Variants in RASAL2 observed in about 807,000 individuals in gnomAD.
The protein encoded by RASAL2 is RAS protein activator like 2.
Under a neutral mutation model 128.9 loss-of-function variants are expected in RASAL2, and 58 were observed. That is an observed-to-expected ratio of 0.45 (90% CI 0.36 to 0.56). The LOEUF (loss-of-function observed/expected upper bound fraction) is 0.56. Ranked by LOEUF, RASAL2 falls within the 20% of genes least tolerant of loss-of-function variation. The pLI, the probability that RASAL2 is intolerant of heterozygous loss-of-function variation, is 0.00. For missense variants in RASAL2, 1,360 were observed against 1,601.6 expected, an observed-to-expected ratio of 0.85 and a Z score of 2.57; for synonymous variants, 561 against 580.8, an observed-to-expected ratio of 0.97 and a Z score of 0.49.
intron 3 of RASAL2, among the ~76,000 whole-genome samples, chr1:178,324,831 A>G (rs1668959654): frequency 6.6e-6 from 1 of 152,088 alleles, no homozygotes; most frequent in South Asian, 2.1e-4. Flanking sequence ...GATTGGTGGA[A>G]AATCTAGTTT....
At chr1:178,224,762 CATAAA>C (rs1663732087) in intron 1 of RASAL2, among the ~76,000 whole-genome samples, 1 of 152,100 alleles carries the variant, frequency 6.6e-6, no homozygotes, top group African/African-American at 2.4e-5. Flanking sequence ...AAAGTTGTGT[CATAAA>C]ATAGGAAGTG....
chr1:178,222,067 C>T (rs1248052673), intron 1 of RASAL2, among the ~76,000 whole-genome samples: 1 of 152,068 alleles, frequency 6.6e-6, no homozygotes, highest in Non-Finnish European at 1.5e-5. Context: ...GTGATTCCAG[C>T]TTTTGATTTG....
chr1:178,154,751 CA>C (rs879559036), intron 1 of RASAL2, among the ~76,000 whole-genome samples: 3 of 152,230 alleles, frequency 2.0e-5, no homozygotes, highest in Middle Eastern at 3.4e-3. Context: ...GTACTTCTAT[CA>C]GGGGGCACAT....
chr1:178,356,480 A>G (rs998165255), intron 3 of RASAL2, among the ~76,000 whole-genome samples: 1 of 152,192 alleles, frequency 6.6e-6, no homozygotes, highest in African/African-American at 2.4e-5. Flanking sequence ...AATGAGTTTT[A>G]AAAAAGTGAC....
rs535091557 is a variant in RASAL2, at chr1:178,475,075, A to C, written c.*1836A>C. ...CCCAGGCTTGCATTCCAGCCTCTTG[A>C]GCTCTGCCCTCTCTCAGGTGGATCT... On this transcript the variant is annotated 3_prime_UTR_variant, in exon 18 of 18. Coordinates refer to ENST00000367649, the MANE Select transcript of RASAL2 (RefSeq NM_170692.4). The C allele has an allele frequency of 5.8e-4, 88 of 152,260 alleles. No individual in the cohort carries two copies. The highest frequency in any genetic ancestry group is 2.0e-3 in the African/African-American group (83 of 41,526). The allele number at this position is 152,260 out of a possible 1,614,324, so 9.4% of individuals were successfully genotyped here.
At chr1:178,110,264 G>A (rs1337152810) in intron 1 of RASAL2, among the ~76,000 whole-genome samples, 2 of 151,930 alleles carry the variant, frequency 1.3e-5, no homozygotes, top group African/African-American at 4.8e-5. Flanking sequence ...GGATTTTCAA[G>A]AATTTTATGG....
At chr1:178,153,394 T>C (rs909543669) in intron 1 of RASAL2, among the ~76,000 whole-genome samples, 1 of 152,214 alleles carries the variant, frequency 6.6e-6, no homozygotes, top group African/African-American at 2.4e-5. Context: ...GTTTTACAAC[T>C]ATTACAGCAA....
intron 1 of RASAL2, among the ~76,000 whole-genome samples, chr1:178,178,673 TCAAA>T (rs1292698315): frequency 7.9e-5 from 12 of 152,302 alleles, no homozygotes; most frequent in Admixed American, 3.9e-4. Context: ...CTACTAGTAC[TCAAA>T]CAGTTTGTTT....
At chr1:178,359,038 A>G (rs180915030) in intron 3 of RASAL2, among the ~76,000 whole-genome samples, 2 of 152,368 alleles carry the variant, frequency 1.3e-5, no homozygotes, top group East Asian at 3.8e-4. Flanking sequence ...TTTAAATGGA[A>G]AAAGTTCAAA....
At chr1:178,322,432 G>A (rs913172874) in intron 3 of RASAL2, among the ~76,000 whole-genome samples, 1 of 151,766 alleles carries the variant, frequency 6.6e-6, no homozygotes, top group Non-Finnish European at 1.5e-5. Context: ...TGGCTTCCTC[G>A]TCTCTTCTCA....
chr1:178,238,979 G>A (rs1243526462), intron 1 of RASAL2, among the ~76,000 whole-genome samples: 1 of 151,996 alleles, frequency 6.6e-6, no homozygotes, highest in Non-Finnish European at 1.5e-5. Flanking sequence ...TGAGTACACA[G>A]GTTCTTAGTG....
intron 1 of RASAL2, among the ~76,000 whole-genome samples, chr1:178,166,444 G>A (rs1661516594): frequency 6.6e-6 from 1 of 152,060 alleles, no homozygotes; most frequent in Non-Finnish European, 1.5e-5. Flanking sequence ...CCAAAGGTAA[G>A]CAATTAGTGT....
intron 2 of RASAL2, among the ~76,000 whole-genome samples, chr1:178,293,502 G>A (rs563839619): frequency 2.6e-5 from 4 of 152,280 alleles, no homozygotes; most frequent in East Asian, 1.9e-4. Context: ...CTCCCCATGC[G>A]TGGTCTGGTA....
At chr1:178,390,670 T>C (rs538311029) in intron 4 of RASAL2, among the ~76,000 whole-genome samples, 4 of 152,308 alleles carry the variant, frequency 2.6e-5, no homozygotes, top group Non-Finnish European at 5.9e-5. Flanking sequence ...TAAGCCACCA[T>C]GCCCAGCCGT....
intron 5 of RASAL2, among the ~76,000 whole-genome samples, chr1:178,432,450 CT>C (rs1185115974): frequency 6.6e-6 from 1 of 151,982 alleles, no homozygotes; most frequent in East Asian, 1.9e-4. Context: ...TCTTCAGTGT[CT>C]TTTGTCAGTT....
At chr1:178,320,100 C>G (rs2102331043) in intron 3 of RASAL2, among the ~76,000 whole-genome samples, 1 of 152,026 alleles carries the variant, frequency 6.6e-6, no homozygotes, top group East Asian at 1.9e-4. Flanking sequence ...CCCAGTTAGG[C>G]TGCTCGGGGG....
intron 3 of RASAL2, among the ~76,000 whole-genome samples, chr1:178,338,257 G>A (rs1669694650): frequency 6.6e-6 from 1 of 151,758 alleles, no homozygotes; most frequent in Admixed American, 6.6e-5. Flanking sequence ...AGCCTCCCAA[G>A]TAGATGGGAT....
At chr1:178,226,612 A>G (rs1040772653) in intron 1 of RASAL2, among the ~76,000 whole-genome samples, 1 of 152,192 alleles carries the variant, frequency 6.6e-6, no homozygotes, top group Non-Finnish European at 1.5e-5. Context: ...GTGTTGACTT[A>G]TATGCCATTT....
At chr1:178,310,319 C>T (rs573227747) in intron 3 of RASAL2, among the ~76,000 whole-genome samples, 3 of 152,074 alleles carry the variant, frequency 2.0e-5, no homozygotes, top group Non-Finnish European at 4.4e-5. Context: ...CAGAACTGAC[C>T]TTACTACCAA....
Sources: allele counts gnomAD v4.1 joint callset (sites outside exome capture counted in the v4.1 genomes callset), GRCh38; gene constraint gnomAD v4.1.1; transcripts MANE v1.5; gene names NCBI Gene and HGNC (gene_info 2026-07-23, HGNC 2026-07-21).